LGR5: variants seen among roughly 807,000 people sequenced by gnomAD.
LGR5 encodes the protein leucine rich repeat containing G protein-coupled receptor 5.
Under a neutral mutation model 76.7 loss-of-function variants are expected in LGR5, and 54 were observed. The observed-to-expected ratio is 0.70, with a 90% CI of 0.57 to 0.88. The LOEUF is 0.88. Ranked by LOEUF, LGR5 falls within the 40% of genes least tolerant of loss-of-function variation. LGR5 has a pLI of 0.00. For synonymous variants in LGR5, 406 were observed against 421.9 expected (o/e 0.96, Z 0.46); for missense variants, 1,078 against 1,073.3 (o/e 1.00, Z -0.06).
chr12:71,510,346 GT>G (rs1875088637), intron 2 of LGR5, among the ~76,000 whole-genome samples: 1 of 152,102 alleles, frequency 6.6e-6, no homozygotes. Context: ...ATCGGTCATT[GT>G]GTATATATAT....
chr12:71,441,096 C>T (rs1302457531), intron 1 of LGR5, among the ~76,000 whole-genome samples: 3 of 152,128 alleles, frequency 2.0e-5, no homozygotes, highest in Admixed American at 1.3e-4. Context: ...CAAAGGGAGA[C>T]CTGAAGCTCT....
At chr12:71,510,583 T>C (rs1875102307) in intron 2 of LGR5, among the ~76,000 whole-genome samples, 1 of 150,916 alleles carries the variant, frequency 6.6e-6, no homozygotes, top group Non-Finnish European at 1.5e-5. Flanking sequence ...TACGACTTGC[T>C]GTGTTTGTTC....
chr12:71,533,137 G>C (rs531314329), intron 3 of LGR5, among the ~76,000 whole-genome samples: 1 of 152,212 alleles, frequency 6.6e-6, no homozygotes, highest in Non-Finnish European at 1.5e-5. Flanking sequence ...TTGAGGTCAG[G>C]AGTTTGAGAC....
chr12:71,515,158 A>G (rs1875375332), intron 2 of LGR5, among the ~76,000 whole-genome samples: 1 of 152,224 alleles, frequency 6.6e-6, no homozygotes, highest in South Asian at 2.1e-4. Flanking sequence ...TATAAGTTTC[A>G]TCATATTTCT....
At chr12:71,482,908 C>T (rs1873671027) in intron 1 of LGR5, among the ~76,000 whole-genome samples, 1 of 152,132 alleles carries the variant, frequency 6.6e-6, no homozygotes, top group South Asian at 2.1e-4. Flanking sequence ...AAATATCCAT[C>T]TTCATATATC....
At chr12:71,484,571 TA>T (rs1169231220) in intron 1 of LGR5, among the ~76,000 whole-genome samples, 1 of 152,198 alleles carries the variant, frequency 6.6e-6, no homozygotes, top group African/African-American at 2.4e-5. Context: ...GGAAAGTGCA[TA>T]AACCTTTGTG....
intron 1 of LGR5, among the ~76,000 whole-genome samples, chr12:71,450,982 C>T (rs770750122): frequency 2.4e-4 from 37 of 152,126 alleles, no homozygotes; most frequent in Non-Finnish European, 4.4e-4. Context: ...ACCTGCAACC[C>T]CTGCTGCCAA....
At chr12:71,558,457 GC>G (rs1392601322) in intron 6 of LGR5, among the ~76,000 whole-genome samples, 1 of 152,100 alleles carries the variant, frequency 6.6e-6, no homozygotes, top group Non-Finnish European at 1.5e-5. Context: ...GTTATTCCCA[GC>G]CTCTTCCTTT....
chr12:71,557,893 A>G (rs1877854726), intron 6 of LGR5, among the ~76,000 whole-genome samples: 1 of 152,232 alleles, frequency 6.6e-6, no homozygotes, highest in Non-Finnish European at 1.5e-5. Flanking sequence ...GGAAAAGACC[A>G]AAGACCACTT....
upstream of LGR5, among the ~76,000 whole-genome samples, chr12:71,439,335 C>A (rs927031206): frequency 2.0e-5 from 3 of 152,184 alleles, no homozygotes; most frequent in Non-Finnish European, 4.4e-5. Context: ...TATTTCTCTG[C>A]ATAGGATTTT....
At chr12:71,549,176 C>T (rs1472308568) in intron 4 of LGR5, among the ~76,000 whole-genome samples, 2 of 152,194 alleles carry the variant, frequency 1.3e-5, no homozygotes, top group Non-Finnish European at 2.9e-5. Flanking sequence ...GGAAGAACCA[C>T]CTGTGTGAGT....
chr12:71,556,800 C>T (rs1345641087), intron 6 of LGR5, 110 bp downstream of exon 6: 2 of 805,878 alleles, frequency 2.5e-6, no homozygotes, highest in Non-Finnish European at 4.3e-6. Flanking sequence ...ATTGCCTAAG[C>T]TTTCAACAGA....
intron 1 of LGR5, among the ~76,000 whole-genome samples, chr12:71,475,206 T>C (rs1318825527): frequency 6.6e-6 from 1 of 151,514 alleles, no homozygotes; most frequent in East Asian, 1.9e-4. Flanking sequence ...AAAATTAATA[T>C]GGAATAATGA....
chr12:71,484,038 A>C (rs1402988445), intron 1 of LGR5, among the ~76,000 whole-genome samples: 3 of 152,188 alleles, frequency 2.0e-5, no homozygotes, highest in African/African-American at 7.2e-5. Flanking sequence ...GAGATGTGTT[A>C]GGTAACTGGT....
rs984363542 is a variant in LGR5 at position 71,586,262 on chromosome 12, A to G, written c.*1528A>G. On this transcript the variant is annotated 3_prime_UTR_variant, in exon 18 of 18. Coordinates refer to ENST00000266674, the MANE Select transcript of LGR5 (RefSeq NM_003667.4). ...AAATAGATTCCAAATTTGCTTTTCT[A>G]TTGGGTAAAAAATAAATTTGTAATA... 7.2e-5 allele frequency: 11 copies of G among 152,158 alleles called. No homozygotes were observed. The highest frequency in any genetic ancestry group is 1.7e-4 in the African/African-American group (7 of 41,450). 9.4% of individuals were successfully genotyped at this position (152,158 alleles called of 1,614,324 possible). A position where few individuals can be genotyped will look rare whatever the true frequency, so the allele number is the denominator to read the frequency against.
chr12:71,565,556 C>A (rs1379406011), intron 8 of LGR5, among the ~76,000 whole-genome samples: 1 of 149,024 alleles, frequency 6.7e-6, no homozygotes, highest in Non-Finnish European at 1.5e-5. Flanking sequence ...TTGCTTTATC[C>A]CAACTGAATC....
At chr12:71,448,084 A>AACACACACACACACACACACACACACAC (rs35911721) in intron 1 of LGR5, among the ~76,000 whole-genome samples, 4 of 145,584 alleles carry the variant, frequency 2.7e-5, no homozygotes, top group Non-Finnish European at 6.1e-5. Flanking sequence ...CACACACACA[A>AACACACACACACACACACACACACACAC]ACACACACAC....
chr12:71,481,400 T>A (rs1873594559), intron 1 of LGR5, among the ~76,000 whole-genome samples: 2 of 152,226 alleles, frequency 1.3e-5, no homozygotes, highest in South Asian at 4.1e-4. Flanking sequence ...TCTAGCTTCA[T>A]CCATGTCCCT....
intron 3 of LGR5, among the ~76,000 whole-genome samples, chr12:71,532,754 G>T (rs1429380904): frequency 6.6e-6 from 1 of 151,640 alleles, no homozygotes; most frequent in Non-Finnish European, 1.5e-5. Flanking sequence ...CTTAGGTCTT[G>T]TCTGCAAACC....
Sources: gnomAD v4.1 joint callset for allele counts (sites outside exome capture counted in the v4.1 genomes callset) on GRCh38, gnomAD v4.1.1 for gene constraint, MANE v1.5 for transcripts, NCBI Gene and HGNC (gene_info 2026-07-23, HGNC 2026-07-21) for gene names.